NECAB1: variants seen among roughly 807,000 people sequenced by gnomAD.
The protein encoded by NECAB1 is N-terminal EF-hand calcium-binding protein 1.
A neutral mutation model predicts 57.5 loss-of-function variants in NECAB1; 29 were observed. The ratio of observed to expected loss-of-function variants is 0.50; its 90% confidence interval spans 0.38 to 0.69. NECAB1 has a LOEUF of 0.69. Among genes scored for constraint, NECAB1 ranks in the 30% least tolerant of loss-of-function variants. The pLI, the probability that NECAB1 is intolerant of heterozygous loss-of-function variation, is 0.00. For missense variants in NECAB1, 372 were observed against 413.8 expected, an observed-to-expected ratio of 0.90 and a Z score of 0.88; for synonymous variants, 142 against 147.7, an observed-to-expected ratio of 0.96 and a Z score of 0.28.
rs559244655 is a variant in NECAB1 at position 90,810,951 on chromosome 8, T to C, written c.124+9236T>C. On this transcript the variant is annotated intron_variant, in intron 2 of 12. Transcript: ENST00000417640. ...ATTGAATATTTTTCTTTTCTTTTTT[T>C]TTTTTCTTTTTTTTGAGACAGAGTC... is the stretch of plus-strand genomic sequence containing the variant. Among the ~76,000 whole-genome samples, 349 of 151,678 alleles carry C rather than the reference T, an allele frequency of 2.3e-3. 2 individuals carry two copies. The highest frequency in any genetic ancestry group is 7.7e-3 in the African/African-American group (319 of 41,410).
intron 8 of NECAB1, among the ~76,000 whole-genome samples, chr8:90,932,373 G>A (rs1221066037): frequency 6.6e-6 from 1 of 152,134 alleles, no homozygotes; most frequent in Non-Finnish European, 1.5e-5. Flanking sequence ...AAATACAGCA[G>A]TGATGAAAAG....
At chr8:90,816,187 G>C (rs1224612097) in intron 2 of NECAB1, among the ~76,000 whole-genome samples, 1 of 151,728 alleles carries the variant, frequency 6.6e-6, no homozygotes, top group African/African-American at 2.4e-5. Flanking sequence ...ATCTTTTGCT[G>C]ATTTTTAGTT....
chr8:90,906,671 G>A (rs1156844400), intron 5 of NECAB1, among the ~76,000 whole-genome samples: 2 of 151,792 alleles, frequency 1.3e-5, no homozygotes, highest in Non-Finnish European at 2.9e-5. Context: ...TCTATAGAAG[G>A]AGTATTTTAG....
At chr8:90,884,848 A>G (rs1443329559) in intron 5 of NECAB1, among the ~76,000 whole-genome samples, 1 of 152,160 alleles carries the variant, frequency 6.6e-6, no homozygotes, top group Non-Finnish European at 1.5e-5. Flanking sequence ...AGTTTGGTTC[A>G]ATAGGACAGA....
rs144686815 is a variant in NECAB1 at position 90,945,576 on chromosome 8, T to G, written c.861-4231T>G. On this transcript the variant is annotated intron_variant, in intron 10 of 12. Coordinates refer to ENST00000417640, the MANE Select transcript of NECAB1 (RefSeq NM_022351.5). ...TATGGAGAAATGTGAGGACTGGCCC[T>G]CTTGCCATGTCTTTTCTTCACTGGT... Among the ~76,000 whole-genome samples, 49 of 152,328 alleles carry G rather than the reference T, an allele frequency of 3.2e-4. 1 individual carries two copies. Among genetic ancestry groups the G allele is most frequent in the African/African-American group, 1.2e-3 (48 of 41,578 alleles).
chr8:90,807,751 G>C (rs963667910), intron 2 of NECAB1, among the ~76,000 whole-genome samples: 3 of 152,194 alleles, frequency 2.0e-5, no homozygotes, highest in Non-Finnish European at 2.9e-5. Context: ...TTATAGATTA[G>C]TAGGGTTCTC....
intron 3 of NECAB1, among the ~76,000 whole-genome samples, chr8:90,844,460 A>G (rs187781366): frequency 1.3e-5 from 2 of 152,282 alleles, no homozygotes; most frequent in African/African-American, 4.8e-5. Flanking sequence ...GGCCAGACAT[A>G]TCATGCAGAT....
chr8:90,921,558 C>A (rs1445943464), intron 6 of NECAB1, among the ~76,000 whole-genome samples: 1 of 152,042 alleles, frequency 6.6e-6, no homozygotes, highest in Non-Finnish European at 1.5e-5. Context: ...CCTGCAATCC[C>A]AGCTACTCTG....
At chr8:90,855,575 A>G (rs538918827) in intron 3 of NECAB1, among the ~76,000 whole-genome samples, 70 of 152,340 alleles carry the variant, frequency 4.6e-4, no homozygotes, top group African/African-American at 1.4e-3. Context: ...TTATCCTTCC[A>G]TCTATAATCA....
chr8:90,906,890 T>TAC (rs1809679075), intron 5 of NECAB1, among the ~76,000 whole-genome samples: 2 of 136,618 alleles, frequency 1.5e-5, no homozygotes, highest in African/African-American at 5.7e-5. Context: ...TATATATATA[T>TAC]ATATATATAT....
chr8:90,953,178 G>A (rs1810954715), intron 12 of NECAB1, among the ~76,000 whole-genome samples: 1 of 152,160 alleles, frequency 6.6e-6, no homozygotes, highest in African/African-American at 2.4e-5. Context: ...GAAACAACCT[G>A]ATCAAAAATA....
chr8:90,837,667 C>A (rs1161066266), intron 3 of NECAB1, among the ~76,000 whole-genome samples: 2 of 152,128 alleles, frequency 1.3e-5, no homozygotes, highest in African/African-American at 4.8e-5. Context: ...TACAATTTGA[C>A]CTTTATTTTT....
chr8:90,937,922 C>T (rs564644209), intron 9 of NECAB1, among the ~76,000 whole-genome samples: 2 of 152,100 alleles, frequency 1.3e-5, no homozygotes, highest in East Asian at 1.9e-4. Flanking sequence ...AATGTAACAG[C>T]GACTATCAAA....
At chr8:90,885,034 T>C (rs1429000537) in intron 5 of NECAB1, among the ~76,000 whole-genome samples, 1 of 152,192 alleles carries the variant, frequency 6.6e-6, no homozygotes, top group African/African-American at 2.4e-5. Context: ...AGTACCTACT[T>C]CCTGGACAGA....
intron 1 of NECAB1, among the ~76,000 whole-genome samples, chr8:90,797,931 A>G (rs989405684): frequency 2.6e-5 from 4 of 152,170 alleles, no homozygotes; most frequent in African/African-American, 7.2e-5. Flanking sequence ...ATATTGTATT[A>G]GTTTCCTAGG....
At chr8:90,861,738 C>T (rs916823380) in intron 3 of NECAB1, among the ~76,000 whole-genome samples, 14 of 152,120 alleles carry the variant, frequency 9.2e-5, no homozygotes, top group Non-Finnish European at 1.5e-5. Flanking sequence ...TATTATTAAC[C>T]TTAATTTCTA....
intron 3 of NECAB1, among the ~76,000 whole-genome samples, chr8:90,853,054 G>A (rs1812715865): frequency 6.6e-6 from 1 of 152,256 alleles, no homozygotes; most frequent in South Asian, 2.1e-4. Context: ...ACATTCTGGG[G>A]CTTCAGGGGT....
intron 2 of NECAB1, among the ~76,000 whole-genome samples, chr8:90,822,769 C>T (rs1293697811): frequency 2.0e-5 from 3 of 151,820 alleles, no homozygotes; most frequent in African/African-American, 7.2e-5. Flanking sequence ...CCAAGGAAAA[C>T]ATATTCCATC....
intron 10 of NECAB1, among the ~76,000 whole-genome samples, chr8:90,943,410 G>T (rs1265469706): frequency 6.6e-6 from 1 of 152,164 alleles, no homozygotes; most frequent in Non-Finnish European, 1.5e-5. Flanking sequence ...GACTATATCA[G>T]ATGGAATGAG....
Sources: gnomAD v4.1 joint callset for allele counts (sites outside exome capture counted in the v4.1 genomes callset) on GRCh38, gnomAD v4.1.1 for gene constraint, MANE v1.5 for transcripts, NCBI Gene and HGNC (gene_info 2026-07-23, HGNC 2026-07-21) for gene names.